DPP10: variants seen among roughly 807,000 people sequenced by gnomAD.
The protein encoded by DPP10 is dipeptidyl peptidase like 10.
In DPP10, 33 loss-of-function variants were observed where a neutral mutation model predicts 120.9. The ratio of observed to expected loss-of-function variants is 0.27; its 90% CI spans 0.21 to 0.37. DPP10 has a LOEUF of 0.37. Among genes scored for constraint, DPP10 ranks in the 10% least tolerant of loss-of-function variants. The pLI, the probability that DPP10 is intolerant of heterozygous loss-of-function variation, is 1.00. For synonymous variants in DPP10, 337 were observed against 326.1 expected, an observed-to-expected ratio of 1.03 and a Z score of -0.36; for missense variants, 816 against 942.8, an observed-to-expected ratio of 0.87 and a Z score of 1.76.
chr2:115,535,550 G>T (rs1369903096), intron 5 of DPP10, among the ~76,000 whole-genome samples: 3 of 150,902 alleles, frequency 2.0e-5, no homozygotes, highest in Non-Finnish European at 4.4e-5. Flanking sequence ...GTAGTGTGAT[G>T]CCTCCAGCTT....
chr2:114,834,559 GCACC>G (rs1558790839), intron 1 of DPP10, among the ~76,000 whole-genome samples: 4 of 126,666 alleles, frequency 3.2e-5, no homozygotes, highest in African/African-American at 3.0e-5. Flanking sequence ...CCATATCTAC[GCACC>G]TATGTATATA....
chr2:115,187,273 T>A (rs1300846014), intron 1 of DPP10, among the ~76,000 whole-genome samples: 1 of 151,672 alleles, frequency 6.6e-6, no homozygotes, highest in Admixed American at 6.6e-5. Context: ...CCTGACCTCA[T>A]GATCCACCCG....
At chr2:114,865,081 A>G (rs1165299579) in intron 1 of DPP10, among the ~76,000 whole-genome samples, 1 of 152,220 alleles carries the variant, frequency 6.6e-6, no homozygotes, top group Non-Finnish European at 1.5e-5. Context: ...ATTGTAAGCA[A>G]AAGTTGCGGG....
At chr2:115,761,808 G>A (rs192278085) in intron 11 of DPP10, among the ~76,000 whole-genome samples, 49 of 152,094 alleles carry the variant, frequency 3.2e-4, no homozygotes, top group Admixed American at 6.5e-4. Flanking sequence ...TTAACAATTT[G>A]AGATGGGTAC....
chr2:115,689,576 A>C, intron 5 of DPP10, 111 bp from the exon 6 acceptor site: 1 of 748,536 alleles, frequency 1.3e-6, no homozygotes, highest in Non-Finnish European at 2.1e-6. Flanking sequence ...TTATATTTTC[A>C]TTTCTGCCTA....
chr2:115,775,676 A>T (rs1019492655), intron 13 of DPP10, among the ~76,000 whole-genome samples: 1 of 152,084 alleles, frequency 6.6e-6, no homozygotes, highest in African/African-American at 2.4e-5. Flanking sequence ...CTTTAGTACA[A>T]TTTATGACAT....
At chr2:115,652,108 A>T (rs2087837339) in intron 5 of DPP10, among the ~76,000 whole-genome samples, 1 of 152,108 alleles carries the variant, frequency 6.6e-6, no homozygotes. Context: ...GAGGTGAATA[A>T]CAAAAATTTA....
At chr2:115,254,565 A>C (rs2058896355) in intron 1 of DPP10, among the ~76,000 whole-genome samples, 1 of 152,206 alleles carries the variant, frequency 6.6e-6, no homozygotes, top group South Asian at 2.1e-4. Context: ...TAACCCGGAA[A>C]GCCAAGTCCA....
chr2:115,407,445 A>G (rs905805539), intron 3 of DPP10, among the ~76,000 whole-genome samples: 55 of 152,184 alleles, frequency 3.6e-4, no homozygotes, highest in African/African-American at 1.3e-3. Context: ...GGGAAATGGC[A>G]GTCAGATCTC....
At chr2:115,203,069 C>G (rs946568512) in intron 1 of DPP10, among the ~76,000 whole-genome samples, 1 of 152,128 alleles carries the variant, frequency 6.6e-6, no homozygotes, top group Non-Finnish European at 1.5e-5. Context: ...AGAAAACAGT[C>G]AGCTCTCTAT....
At chr2:115,537,419 T>A (rs192539808) in intron 5 of DPP10, among the ~76,000 whole-genome samples, 5 of 152,190 alleles carry the variant, frequency 3.3e-5, no homozygotes, top group African/African-American at 1.2e-4. Flanking sequence ...CCTATATATT[T>A]GGCAAATATT....
At chr2:114,828,176 G>T (rs189998745) in intron 1 of DPP10, among the ~76,000 whole-genome samples, 4 of 152,238 alleles carry the variant, frequency 2.6e-5, no homozygotes, top group Admixed American at 2.6e-4. Context: ...AACAATGCAA[G>T]TTTCATCCTC....
chr2:115,822,319 G>A (rs1369189913), intron 21 of DPP10, among the ~76,000 whole-genome samples: 1 of 151,812 alleles, frequency 6.6e-6, no homozygotes, highest in East Asian at 1.9e-4. Flanking sequence ...GACATACCAT[G>A]AAATTCATCC....
intron 5 of DPP10, among the ~76,000 whole-genome samples, chr2:115,588,349 G>A (rs1273708409): frequency 6.6e-6 from 1 of 151,994 alleles, no homozygotes; most frequent in East Asian, 1.9e-4. Context: ...TTTCCTTTTA[G>A]TGTTTCTCTC....
Position 115,690,927 on chromosome 2 carries a change from T to C in DPP10, c.576+1006T>C, listed in dbSNP as rs533075138. Reference sequence around the variant, plus strand: ...GGTTCCATATCCTTGCCAACACCTGTTTTTCCAGACTTTTAAATAATTACT... The same window carrying C: ...GGTTCCATATCCTTGCCAACACCTGCTTTTCCAGACTTTTAAATAATTACT... On this transcript the variant is annotated intron_variant, in intron 7 of 25. Transcript: ENST00000410059. Among the ~76,000 whole-genome samples the C allele has an allele frequency of 7.2e-5, 11 of 152,286 alleles. No individual in the cohort carries two copies. In the East Asian group the frequency reaches 1.7e-3, roughly 24 times the overall value.
intron 1 of DPP10, among the ~76,000 whole-genome samples, chr2:114,590,033 G>A (rs188798438): frequency 3.5e-4 from 53 of 152,182 alleles, no homozygotes; most frequent in African/African-American, 1.3e-3. Context: ...ATACCATGTA[G>A]TAGTGTACTG....
At chr2:115,480,945 AAAG>A (rs931589859) in intron 3 of DPP10, among the ~76,000 whole-genome samples, 1 of 152,158 alleles carries the variant, frequency 6.6e-6, no homozygotes, top group Non-Finnish European at 1.5e-5. Context: ...CTCTTGCATA[AAAG>A]TGAGCAAGCT....
At chr2:115,169,471 T>C (rs1316637756) in intron 1 of DPP10, among the ~76,000 whole-genome samples, 1 of 152,166 alleles carries the variant, frequency 6.6e-6, no homozygotes, top group East Asian at 1.9e-4. Flanking sequence ...ATGATCTAAA[T>C]GCTATGGATC....
At chr2:115,205,890 A>C (rs1189507000) in intron 1 of DPP10, among the ~76,000 whole-genome samples, 2 of 152,140 alleles carry the variant, frequency 1.3e-5, no homozygotes, top group African/African-American at 4.8e-5. Context: ...GGAAGCAGGG[A>C]GTGGTACAAG....
Sources: gnomAD v4.1 joint callset for allele counts (sites outside exome capture counted in the v4.1 genomes callset) on GRCh38, gnomAD v4.1.1 for gene constraint, MANE v1.5 for transcripts, NCBI Gene and HGNC (gene_info 2026-07-23, HGNC 2026-07-21) for gene names.